Variants in QTMAN observed in about 807,000 individuals in gnomAD.
The protein encoded by QTMAN is queuosine-tRNA mannosyltransferase.
the QTMAN span, among the ~76,000 whole-genome samples, chr2:143,980,837 C>T: frequency 6.6e-6 from 1 of 152,144 alleles, no homozygotes; most frequent in East Asian, 1.9e-4. Flanking sequence ...GATTTTCCTT[C>T]GATATCTCTT....
At chr2:144,028,502 A>AT in the QTMAN span, among the ~76,000 whole-genome samples, 1 of 152,214 alleles carries the variant, frequency 6.6e-6, no homozygotes, top group Non-Finnish European at 1.5e-5. Context: ...CAAAGAACAA[A>AT]TGAGGCTGCT....
At chr2:144,315,032 C>T in the QTMAN span, among the ~76,000 whole-genome samples, 2 of 151,988 alleles carry the variant, frequency 1.3e-5, no homozygotes, top group East Asian at 1.9e-4. Context: ...ATTACAGGCA[C>T]GCACCACCAT....
At chr2:144,276,137 A>G in the QTMAN span, among the ~76,000 whole-genome samples, 1 of 152,106 alleles carries the variant, frequency 6.6e-6, no homozygotes, top group Non-Finnish European at 1.5e-5. Context: ...GATTTAGAGC[A>G]CCGGTCTACA....
chr2:143,968,376 C>A, the QTMAN span, among the ~76,000 whole-genome samples: 1 of 151,678 alleles, frequency 6.6e-6, no homozygotes, highest in African/African-American at 2.4e-5. Context: ...AATCCCCCCT[C>A]CACAGTGCTC....
the QTMAN span, among the ~76,000 whole-genome samples, chr2:144,330,363 GTGAGTACA>G: frequency 6.6e-6 from 1 of 152,148 alleles, no homozygotes; most frequent in Non-Finnish European, 1.5e-5. Context: ...GTAGGTTTGT[GTGAGTACA>G]TTCTATGATG....
At chr2:144,324,853 TAA>T in the QTMAN span, among the ~76,000 whole-genome samples, 23 of 133,114 alleles carry the variant, frequency 1.7e-4, no homozygotes, top group Non-Finnish European at 1.8e-4. Flanking sequence ...TGCTTCCATT[TAA>T]AAAAAAAAAA....
At chr2:144,027,205 T>G in the QTMAN span, among the ~76,000 whole-genome samples, 1 of 152,154 alleles carries the variant, frequency 6.6e-6, no homozygotes, top group African/African-American at 2.4e-5. Context: ...TTTCCACTGA[T>G]CAGTATATAT....
the QTMAN span, among the ~76,000 whole-genome samples, chr2:144,180,691 C>A: frequency 2.6e-5 from 4 of 152,162 alleles, no homozygotes; most frequent in East Asian, 7.7e-4. Flanking sequence ...GTGGCTGCTG[C>A]CTTTAAGTTT....
chr2:144,327,641 T>C, the QTMAN span, among the ~76,000 whole-genome samples: 1 of 152,154 alleles, frequency 6.6e-6, no homozygotes, highest in African/African-American at 2.4e-5. Flanking sequence ...ATAGCAGCCA[T>C]GGAGCCTAGA....
At chr2:144,094,090 G>A in the QTMAN span, among the ~76,000 whole-genome samples, 1 of 152,102 alleles carries the variant, frequency 6.6e-6, no homozygotes, top group Non-Finnish European at 1.5e-5. Context: ...AAGAAACATC[G>A]GGACTGTACA....
the QTMAN span, among the ~76,000 whole-genome samples, chr2:144,115,232 A>AAACAAC: frequency 1.9e-3 from 287 of 151,126 alleles, no homozygotes; most frequent in Non-Finnish European, 3.5e-3. Flanking sequence ...CCCTGTCTAA[A>AAACAAC]AACAACAACA....
the QTMAN span, among the ~76,000 whole-genome samples, chr2:144,055,334 GACACACAC>G: frequency 2.2e-3 from 290 of 132,848 alleles, no homozygotes; most frequent in African/African-American, 7.2e-3. Flanking sequence ...CAGACACACA[GACACACAC>G]ACACACACAC....
At chr2:144,077,381 G>C in the QTMAN span, among the ~76,000 whole-genome samples, 5 of 152,150 alleles carry the variant, frequency 3.3e-5, no homozygotes, top group Non-Finnish European at 7.3e-5. Flanking sequence ...TTTCATCTGT[G>C]GTAAAATGCA....
At chr2:144,290,107 T>G in the QTMAN span, among the ~76,000 whole-genome samples, 1 of 152,160 alleles carries the variant, frequency 6.6e-6, no homozygotes, top group Non-Finnish European at 1.5e-5. Flanking sequence ...CGTTTTCTTT[T>G]ATGTTACTTT....
chr2:144,222,179 C>G, the QTMAN span, among the ~76,000 whole-genome samples: 2 of 151,882 alleles, frequency 1.3e-5, no homozygotes, highest in Admixed American at 1.3e-4. Flanking sequence ...CCTGCCTCAG[C>G]CTCCCAAGTA....
At chr2:144,041,323 T>TCC in the QTMAN span, among the ~76,000 whole-genome samples, 1 of 152,182 alleles carries the variant, frequency 6.6e-6, no homozygotes. Flanking sequence ...CCAAAATATT[T>TCC]TAAGAAATGG....
At chr2:143,949,933 C>T in the QTMAN span, among the ~76,000 whole-genome samples, 1 of 151,466 alleles carries the variant, frequency 6.6e-6, no homozygotes, top group Non-Finnish European at 1.5e-5. Flanking sequence ...TGCAACATGC[C>T]AGTTTTTCCT....
At chr2:144,098,134 C>G in the QTMAN span, among the ~76,000 whole-genome samples, 2 of 152,234 alleles carry the variant, frequency 1.3e-5, no homozygotes, top group Admixed American at 6.5e-5. Flanking sequence ...AGTTTCTACA[C>G]TGACCTTCAA....
chr2:143,949,848 C>G, the QTMAN span, among the ~76,000 whole-genome samples: 1 of 150,158 alleles, frequency 6.7e-6, no homozygotes, highest in Non-Finnish European at 1.5e-5. Context: ...ATTTTTTTTT[C>G]TGTTTTAGCT....
Sources: allele counts gnomAD v4.1 joint callset (sites outside exome capture counted in the v4.1 genomes callset), GRCh38; gene constraint gnomAD v4.1.1; transcripts MANE v1.5; gene names NCBI Gene and HGNC (gene_info 2026-07-23, HGNC 2026-07-21).